Variants in KAZN observed in about 807,000 individuals in gnomAD.
KAZN encodes kazrin.
In KAZN, 40 loss-of-function variants were observed where a neutral mutation model predicts 87.4. The observed-to-expected ratio is 0.46, with a 90% confidence interval of 0.36 to 0.60. The LOEUF is 0.60. Ranked by LOEUF, KAZN falls within the 20% of genes least tolerant of loss-of-function variation. The pLI, the probability that KAZN is intolerant of heterozygous loss-of-function variation, is 0.00. For synonymous variants in KAZN, 466 were observed against 458.3 expected (o/e 1.02, Z -0.22); for missense variants, 898 against 1,073.9 (o/e 0.84, Z 2.29).
Position 14,858,924 on chromosome 1 carries a change from A to G in KAZN, c.227-101760A>G, listed in dbSNP as rs561172958. ...AGATAAAATTTCTCATCTTCCATGT[A>G]TTAAGAACTGCAATTCTCACGCCTG... On this transcript the variant is annotated intron_variant, in intron 1 of 14. Transcript: ENST00000376030. 3.3e-3 allele frequency among the ~76,000 whole-genome samples: 504 copies of G among 152,228 alleles called. 5 individuals carry two copies. The highest frequency in any genetic ancestry group is 5.4e-3 in the Non-Finnish European group (368 of 68,008).
intron 1 of KAZN, among the ~76,000 whole-genome samples, chr1:14,903,956 G>T (rs1050346963): frequency 6.6e-6 from 1 of 152,202 alleles, no homozygotes; most frequent in Non-Finnish European, 1.5e-5. Context: ...CAGACAGCGA[G>T]GGCAGCATTC....
chr1:14,480,698 T>G (rs1278506236), intron 2 of KAZN, among the ~76,000 whole-genome samples: 1 of 145,604 alleles, frequency 6.9e-6, no homozygotes, highest in Non-Finnish European at 1.5e-5. Flanking sequence ...ATAAAATATA[T>G]ATTTTTATGT....
intron 4 of KAZN, among the ~76,000 whole-genome samples, chr1:15,045,513 A>G (rs115262462): frequency 0.013 from 2,004 of 152,350 alleles, 31 homozygotes; most frequent in African/African-American, 0.045. Flanking sequence ...GATAACTTCT[A>G]GTAGCCCACT....
chr1:14,688,178 G>A (rs917633820), intron 1 of KAZN, among the ~76,000 whole-genome samples: 2 of 152,230 alleles, frequency 1.3e-5, no homozygotes, highest in Non-Finnish European at 2.9e-5. Flanking sequence ...ACAGAGCTGG[G>A]TTACAGACAG....
chr1:14,557,669 G>A (rs1349880808), intron 2 of KAZN, among the ~76,000 whole-genome samples: 1 of 143,896 alleles, frequency 6.9e-6, no homozygotes, highest in African/African-American at 2.7e-5. Context: ...TGTGTGTGGT[G>A]TGTGAGAGAG....
At chr1:14,837,379 A>G (rs140709061) in intron 1 of KAZN, among the ~76,000 whole-genome samples, 4,670 of 151,988 alleles carry the variant, frequency 0.031, 229 homozygotes, top group African/African-American at 0.11. Context: ...TTGTATTTTG[A>G]GTAGAGACGG....
chr1:14,327,532 T>A (rs1376614445), intron 2 of KAZN, among the ~76,000 whole-genome samples: 1 of 152,222 alleles, frequency 6.6e-6, no homozygotes, highest in Non-Finnish European at 1.5e-5. Flanking sequence ...ATTAGACTAA[T>A]AATGTGTGAG....
At chr1:14,040,035 A>G (rs1426549739) in intron 1 of KAZN, among the ~76,000 whole-genome samples, 1 of 151,642 alleles carries the variant, frequency 6.6e-6, no homozygotes, top group Non-Finnish European at 1.5e-5. Flanking sequence ...GTGGAAAAGG[A>G]TGTGTGTGTG....
intron 1 of KAZN, among the ~76,000 whole-genome samples, chr1:14,868,104 C>T (rs1030722861): frequency 4.3e-5 from 6 of 140,892 alleles, no homozygotes; most frequent in Admixed American, 3.5e-4. Context: ...ATCACATACA[C>T]AGGCATTGCA....
chr1:14,246,774 G>A (rs1355062014), intron 2 of KAZN, among the ~76,000 whole-genome samples: 1 of 152,126 alleles, frequency 6.6e-6, no homozygotes, highest in South Asian at 2.1e-4. Context: ...AAATAAAATC[G>A]CACTTTATGT....
chr1:14,327,630 C>G (rs907365010), intron 2 of KAZN, among the ~76,000 whole-genome samples: 1 of 152,160 alleles, frequency 6.6e-6, no homozygotes, highest in African/African-American at 2.4e-5. Context: ...AACACAAGTG[C>G]CCATCAATAA....
At chr1:14,504,758 C>CT (rs967290549) in intron 2 of KAZN, among the ~76,000 whole-genome samples, 49 of 152,320 alleles carry the variant, frequency 3.2e-4, no homozygotes, top group African/African-American at 1.1e-3. Flanking sequence ...GAATTTCCTG[C>CT]TCCACCCTCT....
intron 1 of KAZN, among the ~76,000 whole-genome samples, chr1:14,784,025 G>A (rs1011693137): frequency 6.6e-6 from 1 of 152,202 alleles, no homozygotes; most frequent in Non-Finnish European, 1.5e-5. Context: ...CCCACTAGGA[G>A]ATACATATTA....
chr1:14,675,640 C>T lies in KAZN; in HGVS notation c.226+76417C>T, dbSNP rs547064010. Reference sequence around the variant, plus strand: ...TTTTTGGCATGCCTATTACCCATCTCCATCATTAGAACTTACATTTCAGAG... The same window carrying T: ...TTTTTGGCATGCCTATTACCCATCTTCATCATTAGAACTTACATTTCAGAG... On this transcript the variant is annotated intron_variant, in intron 1 of 14. Coordinates refer to ENST00000376030, the MANE Select transcript of KAZN (RefSeq NM_201628.3). Among the ~76,000 whole-genome samples the T allele has an allele frequency of 3.9e-5, 6 of 152,274 alleles. 1 individual carries two copies. The highest frequency in any genetic ancestry group is 1.4e-4 in the African/African-American group (6 of 41,554).
intron 1 of KAZN, among the ~76,000 whole-genome samples, chr1:14,867,095 G>T (rs1269618282): frequency 9.9e-5 from 15 of 152,036 alleles, no homozygotes; most frequent in Middle Eastern, 3.2e-3. Flanking sequence ...GTTCGGGCTC[G>T]TTTTTTCCAG....
At chr1:14,143,808 C>T (rs1478581361) in intron 1 of KAZN, among the ~76,000 whole-genome samples, 5 of 150,154 alleles carry the variant, frequency 3.3e-5, no homozygotes, top group Non-Finnish European at 7.4e-5. Flanking sequence ...GCCTCGACCT[C>T]CTAGGCTCAA....
chr1:14,363,180 G>A (rs1659667062), intron 2 of KAZN, among the ~76,000 whole-genome samples: 1 of 152,184 alleles, frequency 6.6e-6, no homozygotes. Context: ...GCTAAGGTTG[G>A]CAGTTGGGGA....
At chr1:14,351,781 C>A (rs979834262) in intron 2 of KAZN, among the ~76,000 whole-genome samples, 5 of 152,114 alleles carry the variant, frequency 3.3e-5, no homozygotes, top group Admixed American at 1.3e-4. Context: ...GCAGCTAGAC[C>A]CCGTATGCAA....
intron 1 of KAZN, among the ~76,000 whole-genome samples, chr1:14,852,215 G>A (rs749159551): frequency 1.7e-4 from 26 of 152,180 alleles, no homozygotes; most frequent in Non-Finnish European, 3.8e-4. Flanking sequence ...CCCGGCACTG[G>A]ACAGCTCCAG....
Sources: gnomAD v4.1 joint callset for allele counts (sites outside exome capture counted in the v4.1 genomes callset) on GRCh38, gnomAD v4.1.1 for gene constraint, MANE v1.5 for transcripts, NCBI Gene and HGNC (gene_info 2026-07-23, HGNC 2026-07-21) for gene names.